Variants in STPG2 observed in about 807,000 individuals in gnomAD.
STPG2 encodes sperm tail PG-rich repeat containing 2.
STPG2 carries 56 observed loss-of-function variants against 54.2 expected under a neutral mutation model. That is an observed-to-expected ratio of 1.03 (90% CI 0.83 to 1.29). The LOEUF is 1.29. Among genes scored for constraint, STPG2 ranks in the 50% most tolerant of loss-of-function variants. STPG2 has a pLI of 0.00. For missense variants in STPG2, 596 were observed against 544.9 expected, an observed-to-expected ratio of 1.09 and a Z score of -0.93; for synonymous variants, 200 against 181.8, an observed-to-expected ratio of 1.10 and a Z score of -0.81.
At chr4:97,900,020 T>C (rs951887058) in intron 8 of STPG2, among the ~76,000 whole-genome samples, 7 of 151,944 alleles carry the variant, frequency 4.6e-5, no homozygotes, top group African/African-American at 7.3e-5. Context: ...TTGCAAACTA[T>C]GCATCTGACA....
At chr4:97,967,185 C>CAAAAAAAAAAAAAAAA (rs58042990) in intron 7 of STPG2, among the ~76,000 whole-genome samples, 1 of 107,200 alleles carries the variant, frequency 9.3e-6, no homozygotes, top group African/African-American at 3.6e-5. Flanking sequence ...AAATGGTAAG[C>CAAAAAAAAAAAAAAAA]AAAAAAAAAA....
intron 4 of STPG2, among the ~76,000 whole-genome samples, chr4:97,456,852 G>A (rs1320125386): frequency 2.2e-5 from 3 of 134,902 alleles, no homozygotes; most frequent in South Asian, 2.2e-4. Context: ...CTGAGATCGC[G>A]CCACCGCACT....
chr4:97,829,824 G>C (rs547504863), intron 9 of STPG2, among the ~76,000 whole-genome samples: 1 of 151,846 alleles, frequency 6.6e-6, no homozygotes, highest in African/African-American at 2.4e-5. Flanking sequence ...GAAAATGAGA[G>C]AAAAAAATGA....
chr4:97,882,014 T>A (rs1730392715), intron 8 of STPG2, among the ~76,000 whole-genome samples: 1 of 152,030 alleles, frequency 6.6e-6, no homozygotes, highest in South Asian at 2.1e-4. Flanking sequence ...GAAAGGCAGG[T>A]GCCCCCCTCC....
intron 5 of STPG2, among the ~76,000 whole-genome samples, chr4:97,991,300 G>GCA (rs947170988): frequency 4.7e-5 from 7 of 149,802 alleles, no homozygotes; most frequent in South Asian, 4.2e-4. Flanking sequence ...ACATATATAC[G>GCA]CACACACACA....
intron 10 of STPG2, among the ~76,000 whole-genome samples, chr4:97,622,596 A>G (rs532811152): frequency 6.6e-6 from 1 of 152,182 alleles, no homozygotes; most frequent in Admixed American, 6.5e-5. Context: ...ATTACAAAAC[A>G]CTGCACAAAG....
At chr4:97,777,115 A>G (rs1726401915) in intron 9 of STPG2, among the ~76,000 whole-genome samples, 1 of 152,212 alleles carries the variant, frequency 6.6e-6, no homozygotes, top group Non-Finnish European at 1.5e-5. Flanking sequence ...AGTAAATAAT[A>G]TTTACAGGAT....
At chr4:98,033,128 C>A (rs28865589) in intron 5 of STPG2, among the ~76,000 whole-genome samples, 7,419 of 69,622 alleles carry the variant, frequency 0.11, 323 homozygotes, top group South Asian at 0.27. Flanking sequence ...CACACACACA[C>A]AAAAAAAACC....
chr4:98,004,467 T>C (rs111408873), intron 5 of STPG2, among the ~76,000 whole-genome samples: 1,795 of 152,316 alleles, frequency 0.012, 29 homozygotes, highest in African/African-American at 0.041. Flanking sequence ...CAGATATGTC[T>C]TCAACATACT....
chr4:97,957,707 T>C (rs1461100215), intron 7 of STPG2, among the ~76,000 whole-genome samples: 1 of 152,094 alleles, frequency 6.6e-6, no homozygotes, highest in African/African-American at 2.4e-5. Flanking sequence ...CCTATCAGAT[T>C]AAAAGCAGAT....
At chr4:97,599,024 G>A (rs2148904540) in intron 10 of STPG2, among the ~76,000 whole-genome samples, 1 of 152,202 alleles carries the variant, frequency 6.6e-6, no homozygotes, top group Non-Finnish European at 1.5e-5. Flanking sequence ...TTCTACAAAG[G>A]TCTAATATCC....
At chr4:97,668,544 T>G (rs775355255) in intron 10 of STPG2, among the ~76,000 whole-genome samples, 13 of 150,436 alleles carry the variant, frequency 8.6e-5, no homozygotes, top group South Asian at 4.2e-4. Flanking sequence ...ATAGAAAGAA[T>G]AGCATGAATT....
intron 5 of STPG2, among the ~76,000 whole-genome samples, chr4:98,019,631 G>A (rs970081278): frequency 6.6e-6 from 1 of 150,386 alleles, no homozygotes; most frequent in Admixed American, 6.7e-5. Flanking sequence ...TCACAATATT[G>A]ATTCTTCCAA....
intron 10 of STPG2, among the ~76,000 whole-genome samples, chr4:97,711,669 C>CTTT (rs1242814556): frequency 2.3e-4 from 31 of 133,680 alleles, no homozygotes; most frequent in African/African-American, 7.2e-4. Flanking sequence ...TATTTACTTA[C>CTTT]TTTTTTTTTT....
In STPG2 at chr4:97,445,829, C is replaced by G. The variant is rs1560611472; in HGVS notation, c.463-257996G>C. ...AATTTTCTGTTTAGAATCTAGTTCC[C>G]TAGGAATTAATATAATCTCAGTAGT... On this transcript the variant is annotated intron_variant, in intron 4 of 4. Coordinates refer to the STPG2 transcript ENST00000522676. Among the ~76,000 whole-genome samples, 5 of 152,072 alleles carry G rather than the reference C, an allele frequency of 3.3e-5. No individual in the cohort carries two copies. The South Asian group carries it at 8.3e-4, about 25-fold the overall frequency.
intron 9 of STPG2, among the ~76,000 whole-genome samples, chr4:97,824,948 T>C (rs936624810): frequency 3.9e-5 from 6 of 152,186 alleles, no homozygotes; most frequent in Non-Finnish European, 5.9e-5. Context: ...TCTGAGCATA[T>C]CGGAGGTTAC....
rs1441278714 is a variant in STPG2, at chr4:97,735,575, A to G, written c.1205-22761T>C. The stretch of plus-strand genomic sequence containing the variant: ...TTTATACATATACATATTTACATTT[A>G]TATATATGTATATATTTATATATTT... On this transcript the variant is annotated intron_variant, in intron 9 of 10. Transcript: ENST00000295268. Among the ~76,000 whole-genome samples the G allele has an allele frequency of 1.3e-4, 20 of 148,550 alleles. No homozygotes were observed. The South Asian group carries it at 2.1e-3, about 16-fold the overall frequency.
At chr4:97,775,418 T>TA in intron 9 of STPG2, among the ~76,000 whole-genome samples, 1 of 152,074 alleles carries the variant, frequency 6.6e-6, no homozygotes, top group East Asian at 1.9e-4. Flanking sequence ...AGTATAATTT[T>TA]AAAAAATGCA....
intron 9 of STPG2, among the ~76,000 whole-genome samples, chr4:97,827,920 G>T (rs891835215): frequency 1.3e-5 from 2 of 152,026 alleles, no homozygotes; most frequent in African/African-American, 4.8e-5. Context: ...AAGTTATCCT[G>T]GGACCTCAAG....
Sources: gnomAD v4.1 joint callset for allele counts (sites outside exome capture counted in the v4.1 genomes callset) on GRCh38, gnomAD v4.1.1 for gene constraint, MANE v1.5 for transcripts, NCBI Gene and HGNC (gene_info 2026-07-23, HGNC 2026-07-21) for gene names.